The following HPSE2 variants were observed in gnomAD, a reference collection of about 807,000 sequenced individuals.
HPSE2 encodes inactive heparanase-2.
In HPSE2, 38 loss-of-function variants were observed where a neutral mutation model predicts 60.5. The observed-to-expected ratio is 0.63, with a 90% CI of 0.48 to 0.82. The LOEUF is 0.82. Ranked by LOEUF, HPSE2 falls within the 40% of genes least tolerant of loss-of-function variation. The pLI is 0.00. For synonymous variants in HPSE2, 295 were observed against 293.2 expected, an observed-to-expected ratio of 1.01 and a Z score of -0.06; for missense variants, 713 against 740.4, an observed-to-expected ratio of 0.96 and a Z score of 0.43.
At chr10:98,916,957 G>A (rs914320588) in intron 3 of HPSE2, among the ~76,000 whole-genome samples, 1 of 152,126 alleles carries the variant, frequency 6.6e-6, no homozygotes, top group Non-Finnish European at 1.5e-5. Flanking sequence ...GAGGAAATGA[G>A]GCTGCTATTG....
At chr10:98,519,004 A>G (rs547631553) in intron 9 of HPSE2, among the ~76,000 whole-genome samples, 32 of 152,306 alleles carry the variant, frequency 2.1e-4, no homozygotes, top group African/African-American at 7.5e-4. Context: ...CCAATGGGGG[A>G]AAAATGCAGA....
intron 8 of HPSE2, among the ~76,000 whole-genome samples, chr10:98,619,315 C>G (rs1448935986): frequency 1.3e-5 from 2 of 152,200 alleles, no homozygotes; most frequent in Non-Finnish European, 2.9e-5. Context: ...GGGTTTGTCC[C>G]TGCCACATGA....
intron 2 of HPSE2, among the ~76,000 whole-genome samples, chr10:99,158,895 CAT>C (rs1254062986): frequency 1.3e-5 from 2 of 151,946 alleles, no homozygotes; most frequent in African/African-American, 4.8e-5. Context: ...AAGTGAAAGA[CAT>C]AAATTCAATC....
the HPSE2 span, among the ~76,000 whole-genome samples, chr10:99,246,591 CA>C: frequency 1.3e-5 from 2 of 151,988 alleles, no homozygotes; most frequent in Non-Finnish European, 1.5e-5. Context: ...TACTAAAATA[CA>C]AAAAATTAGC....
chr10:99,047,376 A>G (rs2135489734), intron 3 of HPSE2, among the ~76,000 whole-genome samples: 1 of 152,356 alleles, frequency 6.6e-6, no homozygotes, highest in Admixed American at 6.5e-5. Context: ...ATCCTAGAAG[A>G]AAACCTAGGA....
intron 3 of HPSE2, among the ~76,000 whole-genome samples, chr10:99,026,489 G>A (rs1284131298): frequency 6.6e-6 from 1 of 151,994 alleles, no homozygotes; most frequent in Non-Finnish European, 1.5e-5. Context: ...TAATATTAGA[G>A]GTAAAGGGAG....
At chr10:99,095,209 A>G (rs1020856145) in intron 3 of HPSE2, among the ~76,000 whole-genome samples, 1 of 152,128 alleles carries the variant, frequency 6.6e-6, no homozygotes, top group East Asian at 1.9e-4. Context: ...AAAAGAAAAG[A>G]AAAGAATATG....
chr10:98,708,488 A>G (rs1948601966), intron 5 of HPSE2, among the ~76,000 whole-genome samples: 1 of 152,124 alleles, frequency 6.6e-6, no homozygotes, highest in African/African-American at 2.4e-5. Flanking sequence ...TCCCAATTTA[A>G]TATTTTTAGA....
At chr10:98,737,504 G>T (rs1949388331) in intron 4 of HPSE2, among the ~76,000 whole-genome samples, 1 of 93,016 alleles carries the variant, frequency 1.1e-5, no homozygotes, top group South Asian at 3.2e-4. Flanking sequence ...GGCTTCTCTT[G>T]GCTAGGGGAG....
chr10:98,644,700 C>T (rs918893585), intron 6 of HPSE2, among the ~76,000 whole-genome samples: 8 of 152,208 alleles, frequency 5.3e-5, no homozygotes, highest in African/African-American at 1.7e-4. Context: ...TGACATGGTG[C>T]TGAAATCTGA....
intron 9 of HPSE2, among the ~76,000 whole-genome samples, chr10:98,531,613 G>GACATC (rs1260021725): frequency 6.6e-6 from 1 of 152,178 alleles, no homozygotes; most frequent in East Asian, 1.9e-4. Context: ...AAGATGTCCA[G>GACATC]TTTCTCAAAT....
intron 3 of HPSE2, among the ~76,000 whole-genome samples, chr10:99,075,923 GT>G (rs1368007351): frequency 6.6e-6 from 1 of 151,980 alleles, no homozygotes; most frequent in Non-Finnish European, 1.5e-5. Flanking sequence ...TTTAAAATGA[GT>G]TTCTTATAGA....
In HPSE2 at chr10:98,695,413, C is replaced by A. The variant is rs180882217; in HGVS notation, c.957-1466G>T. ...GTAGAAAATGACACATGGGAATGAT[C>A]GAGGAATAGAACTGGTTTGATGGGC... is the stretch of plus-strand genomic sequence containing the variant. On this transcript the variant is annotated intron_variant, in intron 5 of 11. Coordinates refer to ENST00000370552, the MANE Select transcript of HPSE2 (RefSeq NM_021828.5). Among the ~76,000 whole-genome samples the A allele has an allele frequency of 2.8e-4, 43 of 152,224 alleles. No homozygotes were observed. In the East Asian group the frequency reaches 7.9e-3, roughly 28 times the overall value.
intron 3 of HPSE2, among the ~76,000 whole-genome samples, chr10:98,884,877 C>G (rs559104153): frequency 2.0e-5 from 3 of 152,232 alleles, no homozygotes; most frequent in African/African-American, 7.2e-5. Context: ...TGCCTGCTAA[C>G]CCAGCATCCA....
chr10:98,489,362 A>C (rs577049127), intron 10 of HPSE2, among the ~76,000 whole-genome samples: 1 of 152,342 alleles, frequency 6.6e-6, no homozygotes, highest in East Asian at 1.9e-4. Flanking sequence ...GTTTGTTTTA[A>C]AGACAACTGT....
chr10:99,207,711 A>C (rs1216504407), intron 2 of HPSE2, among the ~76,000 whole-genome samples: 1 of 152,056 alleles, frequency 6.6e-6, no homozygotes, highest in Admixed American at 6.5e-5. Context: ...ATGTGATCGA[A>C]GTTACTACAG....
At chr10:99,155,013 T>G (rs1846473433) in intron 2 of HPSE2, among the ~76,000 whole-genome samples, 1 of 150,618 alleles carries the variant, frequency 6.6e-6, no homozygotes, top group Non-Finnish European at 1.5e-5. Flanking sequence ...AGAAGGACAT[T>G]ACATAATGGT....
At chr10:98,847,560 C>T (rs1209643635) in intron 3 of HPSE2, among the ~76,000 whole-genome samples, 1 of 152,160 alleles carries the variant, frequency 6.6e-6, no homozygotes, top group Non-Finnish European at 1.5e-5. Context: ...AAATACATTT[C>T]TCTATTCTTA....
chr10:98,493,707 C>T (rs1591266355), intron 9 of HPSE2, among the ~76,000 whole-genome samples: 1 of 152,268 alleles, frequency 6.6e-6, no homozygotes, highest in East Asian at 1.9e-4. Flanking sequence ...GTGCAGACAG[C>T]ATAGAGTTGG....
Sources: allele counts gnomAD v4.1 joint callset (sites outside exome capture counted in the v4.1 genomes callset), GRCh38; gene constraint gnomAD v4.1.1; transcripts MANE v1.5; gene names NCBI Gene and HGNC (gene_info 2026-07-23, HGNC 2026-07-21).